Variants in MMP16 observed in about 807,000 individuals in gnomAD.
The protein encoded by MMP16 is matrix metallopeptidase 16.
In MMP16, 12 loss-of-function variants were observed where a neutral mutation model predicts 67.8. The observed-to-expected ratio is 0.18, with a 90% CI of 0.11 to 0.29. MMP16 has a LOEUF of 0.29. MMP16 is among the 10% of genes least tolerant of loss of function. The probability of loss-of-function intolerance (pLI) is 1.00; values close to 1 mark genes in which losing one functional copy is unlikely to be tolerated. For synonymous variants in MMP16, 249 were observed against 255.9 expected (o/e 0.97, Z 0.26); for missense variants, 475 against 765.7 (o/e 0.62, Z 4.48).
At chr8:88,294,104 T>C (rs1810966796) in intron 1 of MMP16, among the ~76,000 whole-genome samples, 1 of 151,974 alleles carries the variant, frequency 6.6e-6, no homozygotes, top group Non-Finnish European at 1.5e-5. Flanking sequence ...AGATGCCTTA[T>C]AAATTCCAAT....
chr8:88,162,257 C>T (rs566727023), intron 4 of MMP16, among the ~76,000 whole-genome samples: 1 of 151,884 alleles, frequency 6.6e-6, no homozygotes, highest in Non-Finnish European at 1.5e-5. Flanking sequence ...AAAGTCAGTA[C>T]TATCAAACTT....
At chr8:88,277,168 T>G (rs1810661842) in intron 1 of MMP16, among the ~76,000 whole-genome samples, 1 of 152,202 alleles carries the variant, frequency 6.6e-6, no homozygotes, top group South Asian at 2.1e-4. Flanking sequence ...GTGTTCAACT[T>G]TTACATATTA....
Position 88,148,920 on chromosome 8 carries a change from G to T in MMP16, c.709+18749C>A, listed in dbSNP as rs563933668. ...TCCCAGCGTGAGCGACGCAGAAGAC[G>T]GGTGATTTCTGCATTTCCATCTGAG... On this transcript the variant is annotated intron_variant, in intron 4 of 9. Transcript: ENST00000286614. Among the ~76,000 whole-genome samples, 418 of 152,288 alleles carry T rather than the reference G, an allele frequency of 2.7e-3. 1 individual carries two copies. Among genetic ancestry groups the T allele is most frequent in the Admixed American group, 6.7e-3 (102 of 15,300 alleles).
chr8:88,175,801 T>C (rs753021409), intron 3 of MMP16, among the ~76,000 whole-genome samples: 34 of 152,142 alleles, frequency 2.2e-4, no homozygotes, highest in African/African-American at 7.5e-4. Flanking sequence ...AATTGAATCA[T>C]GGGGTCAGGT....
At chr8:88,099,635 A>C (rs957031237) in intron 6 of MMP16, among the ~76,000 whole-genome samples, 1 of 151,848 alleles carries the variant, frequency 6.6e-6, no homozygotes, top group Non-Finnish European at 1.5e-5. Flanking sequence ...TGGATCTAAA[A>C]GCCACGTATC....
intron 1 of MMP16, among the ~76,000 whole-genome samples, chr8:88,294,289 T>C (rs548149430): frequency 1.7e-5 from 2 of 119,702 alleles, no homozygotes; most frequent in East Asian, 4.9e-4. Flanking sequence ...CACACACACA[T>C]ATATGTATAT....
intron 4 of MMP16, among the ~76,000 whole-genome samples, chr8:88,155,322 T>G (rs1808490485): frequency 6.6e-6 from 1 of 152,124 alleles, no homozygotes; most frequent in Admixed American, 6.5e-5. Flanking sequence ...TTCTATTGTC[T>G]AGAAATTTGC....
intron 1 of MMP16, among the ~76,000 whole-genome samples, chr8:88,205,553 TG>T (rs28904636): frequency 0.033 from 5,077 of 152,252 alleles, 267 homozygotes; most frequent in African/African-American, 0.12. Flanking sequence ...TGGTCCAATT[TG>T]CCCAGCCTAA....
chr8:88,234,205 T>TAC (rs1809906271), intron 1 of MMP16, among the ~76,000 whole-genome samples: 1 of 152,206 alleles, frequency 6.6e-6, no homozygotes, highest in Non-Finnish European at 1.5e-5. Context: ...GAATAGCAGA[T>TAC]AAGTAACTTA....
At chr8:88,207,156 C>T (rs188762931) in intron 1 of MMP16, among the ~76,000 whole-genome samples, 1 of 152,122 alleles carries the variant, frequency 6.6e-6, no homozygotes, top group African/African-American at 2.4e-5. Flanking sequence ...ATACACAAAT[C>T]TATTATAAAA....
chr8:88,130,158 A>T (rs1808003143), intron 4 of MMP16, among the ~76,000 whole-genome samples: 1 of 151,904 alleles, frequency 6.6e-6, no homozygotes, highest in Non-Finnish European at 1.5e-5. Flanking sequence ...GTATGAATTT[A>T]AAAAATAATA....
intron 1 of MMP16, among the ~76,000 whole-genome samples, chr8:88,201,087 T>C (rs1292009563): frequency 1.6e-5 from 2 of 127,358 alleles, no homozygotes; most frequent in Non-Finnish European, 3.2e-5. Context: ...ACATAACATA[T>C]AGAGAAAACA....
chr8:88,041,707 G>A lies in MMP16; in HGVS notation c.1578C>T (p.Leu526=), dbSNP rs199542125. ...GTCCATCACAGCCCATAAAATCCTT[G>A]AGGATGGATCTTGGATATCCAGGTT... ...KVEPGYPRSI[L]KDFMGCDGPT... is the part of the protein sequence containing the mutation. Residue 526 remains leucine, a synonymous_variant, in exon 10 of 10, where the codon CTC becomes CTT. Coordinates refer to ENST00000286614, the MANE Select transcript of MMP16 (RefSeq NM_005941.5). This position sits in a 1 kb window ranked among gnomAD's most constrained non-coding sequence, Gnocchi z 6.0. The A allele has an allele frequency of 1.2e-6, 2 of 1,613,972 alleles. No individual in the cohort carries two copies. The highest frequency in any genetic ancestry group is 1.7e-5 in the Admixed American group (1 of 59,974).
At chr8:88,205,991 A>G (rs1455904511) in intron 1 of MMP16, among the ~76,000 whole-genome samples, 4 of 152,108 alleles carry the variant, frequency 2.6e-5, no homozygotes, top group Non-Finnish European at 5.9e-5. Flanking sequence ...GAATGGAAAT[A>G]CTTATTTCTG....
chr8:88,081,861 G>A (rs970302644), intron 6 of MMP16, among the ~76,000 whole-genome samples: 1 of 152,094 alleles, frequency 6.6e-6, no homozygotes, highest in Non-Finnish European at 1.5e-5. Flanking sequence ...AACTCAGGAA[G>A]TTTAAGCTGT....
chr8:88,226,218 A>T (rs1338943590), intron 1 of MMP16, among the ~76,000 whole-genome samples: 1 of 152,010 alleles, frequency 6.6e-6, no homozygotes. Flanking sequence ...AGTGAGAATT[A>T]CTTTCTTAAA....
At chr8:88,123,948 T>G (rs1586162988) in intron 4 of MMP16, among the ~76,000 whole-genome samples, 2 of 152,046 alleles carry the variant, frequency 1.3e-5, no homozygotes, top group African/African-American at 4.8e-5. Flanking sequence ...GCTCCCCTAG[T>G]GCCTCAAACT....
intron 4 of MMP16, among the ~76,000 whole-genome samples, chr8:88,158,438 C>CACATTT (rs1808552697): frequency 6.6e-6 from 1 of 152,190 alleles, no homozygotes; most frequent in Admixed American, 6.5e-5. Flanking sequence ...AGCACTTTTT[C>CACATTT]ATGTGTCTGT....
chr8:88,132,674 T>A (rs1275342442), intron 4 of MMP16, among the ~76,000 whole-genome samples: 2 of 151,898 alleles, frequency 1.3e-5, no homozygotes, highest in Non-Finnish European at 2.9e-5. Flanking sequence ...ATTTATAACC[T>A]AATCTTGGAA....
Sources: gnomAD v4.1 joint callset for allele counts (sites outside exome capture counted in the v4.1 genomes callset) on GRCh38, gnomAD v4.1.1 for gene constraint, Gnocchi (gnomAD v3.1) non-coding constraint, MANE v1.5 for transcripts, NCBI Gene and HGNC (gene_info 2026-07-23, HGNC 2026-07-21) for gene names.